Variants in KIF27 observed in about 807,000 individuals in gnomAD.
The protein encoded by KIF27 is kinesin-like protein KIF27.
KIF27 carries 84 observed loss-of-function variants against 141.8 expected under a neutral mutation model. That is an observed-to-expected ratio of 0.59 (90% CI 0.50 to 0.71). The LOEUF (loss-of-function observed/expected upper bound fraction) is 0.71, where lower values mean the gene tolerates loss of function less well. Among genes scored for constraint, KIF27 ranks in the 30% least tolerant of loss-of-function variants. The probability of loss-of-function intolerance (pLI) is 0.00; values close to 1 mark genes in which losing one functional copy is unlikely to be tolerated. For missense variants in KIF27, 1,306 were observed against 1,628.4 expected (o/e 0.80, Z 3.41); for synonymous variants, 471 against 569.5 (o/e 0.83, Z 2.46).
intron 6 of KIF27, among the ~76,000 whole-genome samples, chr9:83,890,437 T>G (rs887675314): frequency 8.5e-5 from 13 of 152,242 alleles, no homozygotes; most frequent in Non-Finnish European, 1.5e-4. Context: ...GCATCTAGTT[T>G]TCTTTTGTGA....
At chr9:83,851,525 T>A (rs1480064824) in intron 15 of KIF27, among the ~76,000 whole-genome samples, 1 of 152,228 alleles carries the variant, frequency 6.6e-6, no homozygotes, top group South Asian at 2.1e-4. Flanking sequence ...CTAAGTTTTT[T>A]AAAAAATATT....
chr9:83,894,680 T>C (rs935063068), intron 5 of KIF27, among the ~76,000 whole-genome samples: 1 of 152,320 alleles, frequency 6.6e-6, no homozygotes. Flanking sequence ...GCTGGGGGAT[T>C]AAGCACATCC....
intron 16 of KIF27, among the ~76,000 whole-genome samples, chr9:83,846,768 C>G (rs1947333958): frequency 6.6e-6 from 1 of 152,104 alleles, no homozygotes; most frequent in Non-Finnish European, 1.5e-5. Context: ...GCCTAGAGGT[C>G]TTTGTTTCAG....
chr9:83,892,656 T>C (rs963575411), intron 5 of KIF27, among the ~76,000 whole-genome samples: 2 of 152,172 alleles, frequency 1.3e-5, no homozygotes, highest in African/African-American at 2.4e-5. Flanking sequence ...TCTAACCATA[T>C]GCTGCTTACA....
At chr9:83,917,508 C>G (rs1485702786) in intron 1 of KIF27, among the ~76,000 whole-genome samples, 1 of 152,108 alleles carries the variant, frequency 6.6e-6, no homozygotes, top group Non-Finnish European at 1.5e-5. Context: ...ATAACCAAAA[C>G]AATATTGAAA....
In KIF27 at chr9:83,842,257, C is replaced by T. The variant is rs761847847; in HGVS notation, c.3701G>A (p.Arg1234Gln). Residue 1234 changes from arginine to glutamine, a missense_variant, in exon 17 of 18, where the codon CGG (arginine) becomes CAG (glutamine). By Grantham distance (43) the Arg-to-Gln change is conservative. This residue lies in a region of KIF27 where 148 missense variants were observed against 250.9 expected (regional missense o/e 0.59). Transcript: ENST00000297814. Reference sequence around the variant, plus strand: ...CTTACACTCTGATGGTGCTAGTTGCCGCCGAATTGCTTCCCCTACCAGTTC... The same window carrying T: ...CTTACACTCTGATGGTGCTAGTTGCTGCCGAATTGCTTCCCCTACCAGTTC... ...LKELVGEAIRRQLAPSEYQEA... is the reference protein window; with the variant it reads ...LKELVGEAIRQQLAPSEYQEA... 26 of 1,563,402 alleles carry T rather than the reference C, an allele frequency of 1.7e-5. No individual in the cohort carries two copies. The highest frequency in any genetic ancestry group is 5.6e-5 in the African/African-American group (4 of 71,582).
At chr9:83,873,266 A>G (rs140269286) in intron 11 of KIF27, among the ~76,000 whole-genome samples, 1 of 152,320 alleles carries the variant, frequency 6.6e-6, no homozygotes, top group East Asian at 1.9e-4. Context: ...CCAGCTGGTC[A>G]CAATCCTCAA....
At chr9:83,917,198 A>C (rs1326851356) in intron 1 of KIF27, among the ~76,000 whole-genome samples, 1 of 152,008 alleles carries the variant, frequency 6.6e-6, no homozygotes, top group Non-Finnish European at 1.5e-5. Context: ...CACTCTTAAA[A>C]ATAAATGTAA....
rs1945779999 is a variant in KIF27, at chr9:83,835,925, C to T, written c.*1076G>A. Among the ~76,000 whole-genome samples, 1 of 152,104 alleles carries T rather than the reference C, an allele frequency of 6.6e-6. No homozygotes were observed. The highest frequency in any genetic ancestry group is 2.4e-5 in the African/African-American group (1 of 41,416). On this transcript the variant is annotated 3_prime_UTR_variant, in exon 18 of 18. Coordinates refer to ENST00000297814, the MANE Select transcript of KIF27 (RefSeq NM_017576.4). ...TCATTACAATGGATGTTTCCTATAA[C>T]TGAAAAATATGGTTAAAAAGTACAA...
intron 14 of KIF27, chr9:83,855,180 G>T (rs1257721476): frequency 6.6e-6 from 1 of 152,108 alleles, no homozygotes; most frequent in Non-Finnish European, 1.5e-5. Flanking sequence ...GATTACAGGT[G>T]CATGCCACCA....
chr9:83,875,028 A>C (rs559698004), intron 11 of KIF27, among the ~76,000 whole-genome samples: 2 of 151,938 alleles, frequency 1.3e-5, no homozygotes, highest in Admixed American at 1.3e-4. Flanking sequence ...TCTTTGAAGA[A>C]GACAGTGTCT....
rs746941840 is a variant in KIF27 at position 83,899,667 on chromosome 9, T to C, written c.1596A>G (p.Arg532=). 1.2e-6 allele frequency: 2 copies of C among 1,613,504 alleles called. No individual in the cohort carries two copies. The highest frequency in any genetic ancestry group is 1.7e-6 in the Non-Finnish European group (2 of 1,179,588). The change falls in exon 5 of 18, where the codon AGA becomes AGG. Residue 532 remains arginine, a synonymous_variant. Coordinates refer to ENST00000297814, the MANE Select transcript of KIF27 (RefSeq NM_017576.4). The part of the protein sequence containing the change: ...VSLKEAQKVN[R]LQNEKIIEQQ... ...AGATGCATTAAGAAACTACCTGCAG[T>C]CTATTCACTTTTTGCGCTTCTTTCA...
intron 1 of KIF27, among the ~76,000 whole-genome samples, chr9:83,920,841 G>A (rs947716090): frequency 9.7e-6 from 1 of 102,624 alleles, no homozygotes; most frequent in African/African-American, 3.5e-5. Flanking sequence ...TAGGAAATGC[G>A]CCCAAGTTTC....
rs1042527921 is a variant in KIF27 at position 83,864,232 on chromosome 9, CTCTTGCTTCTCTAAT to C, written c.2934+3437_2934+3451del. On this transcript the variant is annotated intron_variant, in intron 13 of 17. Coordinates refer to ENST00000297814, the MANE Select transcript of KIF27 (RefSeq NM_017576.4). ...TTCTGCTAGCTTTTGAATGTGTTTG[CTCTTGCTTCTCTAAT>C]TCTTTTAATTGTGATGTTAGGCTGT... Among the ~76,000 whole-genome samples, 34 of 152,194 alleles carry C rather than the reference CTCTTGCTTCTCTAAT, an allele frequency of 2.2e-4. No homozygotes were observed. In the Middle Eastern group the frequency reaches 0.014, roughly 61 times the overall value.
Position 83,850,830 on chromosome 9 carries a change from C to CTTT in KIF27, c.3358-536_3358-534dup, listed in dbSNP as rs202212264. Among the ~76,000 whole-genome samples the CTTT allele has an allele frequency of 3.4e-4, 23 of 67,506 alleles. 1 individual carries two copies. Among genetic ancestry groups the CTTT allele is most frequent in the South Asian group, 6.2e-4 (1 of 1,616 alleles). 44.3% of individuals were successfully genotyped at this position (67,506 alleles called of 152,430 possible). On this transcript the variant is annotated intron_variant, in intron 15 of 17. Coordinates refer to ENST00000297814, the MANE Select transcript of KIF27 (RefSeq NM_017576.4). ...TGGAATTCTGAATTGATGACATTTT[C>CTTT]TTTTTTTTTTTTTTTTTTTTTTTTT...
intron 12 of KIF27, among the ~76,000 whole-genome samples, chr9:83,870,110 A>G (rs1950647188): frequency 6.6e-6 from 1 of 152,152 alleles, no homozygotes; most frequent in Non-Finnish European, 1.5e-5. Context: ...GGTTTTATTC[A>G]GAGTCCACCA....
At chr9:83,889,607 C>T (rs1262697115) in intron 6 of KIF27, among the ~76,000 whole-genome samples, 1 of 151,304 alleles carries the variant, frequency 6.6e-6, no homozygotes, top group Non-Finnish European at 1.5e-5. Flanking sequence ...TCTTCCCCAT[C>T]TTCCCAGTTC....
rs149561878 is a variant in KIF27, at chr9:83,851,558, G to T, written c.3358-1261C>A. Among the ~76,000 whole-genome samples, 748 of 152,268 alleles carry T rather than the reference G, an allele frequency of 4.9e-3. 5 individuals carry two copies. Among genetic ancestry groups the T allele is most frequent in the African/African-American group, 0.017 (713 of 41,552 alleles). ...ATTTTCGTAGAGACGGTCTCACTAT[G>T]TTGCCCAAGCTGGTCTTGAATTCCT... On this transcript the variant is annotated intron_variant, in intron 15 of 17. Coordinates refer to ENST00000297814, the MANE Select transcript of KIF27 (RefSeq NM_017576.4).
Position 83,918,187 on chromosome 9 carries a change from T to C in KIF27, c.-87-2509A>G, listed in dbSNP as rs144738932. Among the ~76,000 whole-genome samples, 848 of 151,992 alleles carry C rather than the reference T, an allele frequency of 5.6e-3. 2 individuals are homozygous for C. Among genetic ancestry groups the C allele is most frequent in the Admixed American group, 9.2e-3 (141 of 15,246 alleles). On this transcript the variant is annotated intron_variant, in intron 1 of 17. Coordinates refer to ENST00000297814, the MANE Select transcript of KIF27 (RefSeq NM_017576.4). ...CTACTTGGGAAGCTAAGGCGGGAGA[T>C]TGGCTTGAACCCAGCAGCCAGAGGT...
Sources: allele counts gnomAD v4.1 joint callset (sites outside exome capture counted in the v4.1 genomes callset), GRCh38; gene constraint gnomAD v4.1.1; regional missense constraint gnomAD v4.1.1; transcripts MANE v1.5; gene names NCBI Gene and HGNC (gene_info 2026-07-23, HGNC 2026-07-21).